The following GATA6 variants were observed in gnomAD, a reference collection of about 807,000 sequenced individuals.
The protein encoded by GATA6 is GATA binding protein 6.
In GATA6, 11 loss-of-function variants were observed where a neutral mutation model predicts 48.1. The ratio of observed to expected loss-of-function variants is 0.23; its 90% CI spans 0.14 to 0.38. The LOEUF (loss-of-function observed/expected upper bound fraction) is 0.38. GATA6 is among the 10% of genes least tolerant of loss of function. The pLI is 1.00. For missense variants in GATA6, 795 were observed against 850.3 expected, an observed-to-expected ratio of 0.93 and a Z score of 0.81; for synonymous variants, 419 against 396.1, an observed-to-expected ratio of 1.06 and a Z score of -0.69.
chr18:22,178,144 A>G (rs2143292948), intron 3 of GATA6, among the ~76,000 whole-genome samples: 1 of 151,026 alleles, frequency 6.6e-6, no homozygotes, highest in South Asian at 2.1e-4. Flanking sequence ...TTGTATTTTT[A>G]GTAGAGACAG....
intron 6 of GATA6, among the ~76,000 whole-genome samples, chr18:22,198,792 G>A (rs1456449559): frequency 1.3e-5 from 2 of 152,184 alleles, no homozygotes; most frequent in Admixed American, 1.3e-4. Context: ...CATTCAGTTT[G>A]TTGGACAGGA....
Position 22,170,326 on chromosome 18 carries a change from G to T in GATA6, c.-38+644G>T, listed in dbSNP as rs1184778739. On this transcript the variant is annotated intron_variant, in intron 1 of 6. Transcript: ENST00000269216. The surrounding 1 kb of genome is among the most constrained non-coding windows in gnomAD (Gnocchi z 6.7). ...TGGCCCGGCCGGCGTGAGCGCGCAC[G>T]CTGGTGGCTGCAGGCGCGGGCCGTG... Among the ~76,000 whole-genome samples the T allele has an allele frequency of 1.3e-5, 2 of 152,218 alleles. No individual in the cohort carries two copies. Among genetic ancestry groups the T allele is most frequent in the Non-Finnish European group, 2.9e-5 (2 of 68,038 alleles).
chr18:22,176,780 A>T, intron 2 of GATA6, 175 bp from the exon 3 acceptor site: 1 of 682,832 alleles, frequency 1.5e-6, no homozygotes, highest in Non-Finnish European at 2.4e-6. Flanking sequence ...CAGTGGAGCA[A>T]TAGTGACGAA....
chr18:22,200,676 T>C lies in GATA6; in HGVS notation c.1641T>C (p.Thr547=). The change falls in exon 7 of 7, where the codon ACT becomes ACC. Residue 547 remains threonine, a synonymous_variant. Transcript: ENST00000269216. ...GCCAGGCGGGTGCCCCGGTGATGAC[T>C]GGTGCGGGAGAGAGCACCAATCCCG... is the stretch of plus-strand genomic sequence containing the variant. ...TASGAGAPVM[T]GAGESTNPEN... 1 of 1,614,242 alleles carries C rather than the reference T, an allele frequency of 6.2e-7. No individual in the cohort carries two copies.
intron 6 of GATA6, among the ~76,000 whole-genome samples, chr18:22,197,414 G>C (rs533694821): frequency 6.6e-6 from 1 of 152,212 alleles, no homozygotes; most frequent in South Asian, 2.1e-4. Context: ...CCACTTTATA[G>C]GTGTGGAAAC....
chr18:22,186,356 G>A (rs917443576), intron 6 of GATA6, among the ~76,000 whole-genome samples: 11 of 152,162 alleles, frequency 7.2e-5, no homozygotes, highest in African/African-American at 2.7e-4. Context: ...TTTCTTTAAT[G>A]ACTGTGAGTT....
chr18:22,181,411 G>T, intron 3 of GATA6, 42 bp from the exon 4 acceptor site: 1 of 1,603,202 alleles, frequency 6.2e-7, no homozygotes, highest in Middle Eastern at 1.7e-4. Context: ...ATATATATAT[G>T]TCACTTATAT....
intron 6 of GATA6, among the ~76,000 whole-genome samples, chr18:22,183,771 T>C (rs1360689864): frequency 2.0e-5 from 3 of 152,196 alleles, no homozygotes; most frequent in Non-Finnish European, 4.4e-5. Flanking sequence ...CCCACCCTAA[T>C]GTTTCCCAAA....
intron 3 of GATA6, 67 bp downstream of exon 3, chr18:22,177,188 G>A (rs374001745): frequency 4.9e-6 from 7 of 1,431,624 alleles, no homozygotes; most frequent in African/African-American, 1.5e-5. Flanking sequence ...GGCCGGCCCC[G>A]CCCTGGCTCG....
intron 6 of GATA6, among the ~76,000 whole-genome samples, chr18:22,191,341 A>G (rs973939745): frequency 1.4e-4 from 21 of 152,068 alleles, no homozygotes; most frequent in Admixed American, 1.3e-3. Flanking sequence ...CAAATTACAG[A>G]TTCTTTGCAG....
At chr18:22,188,631 A>G (rs985096525) in intron 6 of GATA6, among the ~76,000 whole-genome samples, 3 of 152,150 alleles carry the variant, frequency 2.0e-5, no homozygotes, top group Non-Finnish European at 4.4e-5. Context: ...TTCGGTGACA[A>G]ATGTGTTTTC....
Position 22,197,461 on chromosome 18 carries a change from A to G in GATA6, c.1621-3195A>G, listed in dbSNP as rs529330458. On this transcript the variant is annotated intron_variant, in intron 6 of 6. Transcript: ENST00000269216. ...AAGCTGTATGTCAGGCTTCTGGTTT[A>G]CCTCTCCCACATGGTCTGTTCACTC... Among the ~76,000 whole-genome samples, 7 of 152,104 alleles carry G rather than the reference A, an allele frequency of 4.6e-5. No homozygotes were observed. The East Asian group carries it at 1.2e-3, about 25-fold the overall frequency.
chr18:22,171,638 C>G lies in GATA6; in HGVS notation c.494C>G (p.Ala165Gly). ...SSQGPAAYDG[A>G]PGGFVHSAAA... Reference sequence around the variant, plus strand: ...CAGGGTCCGGCCGCCTACGACGGCGCGCCCGGCGGCTTCGTGCACTCTGCG... The same window carrying G: ...CAGGGTCCGGCCGCCTACGACGGCGGGCCCGGCGGCTTCGTGCACTCTGCG... The change falls in exon 2 of 7, where the codon GCG becomes GGG. Residue 165 changes from alanine (A) to glycine (G), a missense_variant. Around this residue, in one of 5 missense-constraint regions of GATA6, gnomAD observed 591 missense variants for 570.0 expected, o/e 1.04. Coordinates refer to ENST00000269216, the MANE Select transcript of GATA6 (RefSeq NM_005257.6). The surrounding 1 kb of genome is among the most constrained non-coding windows in gnomAD (Gnocchi z 7.1). 6.3e-7 allele frequency: 1 copy of G among 1,591,126 alleles called. No individual in the cohort carries two copies. The highest frequency in any genetic ancestry group is 1.7e-5 in the Admixed American group (1 of 59,028).
At chr18:22,169,845 C>T (rs997829350) in intron 1 of GATA6, among the ~76,000 whole-genome samples, 163 bp downstream of exon 1, 4 of 152,226 alleles carry the variant, frequency 2.6e-5, no homozygotes, top group African/African-American at 7.2e-5. Context: ...CTCCCAGGCT[C>T]CCGGGACACC....
intron 6 of GATA6, among the ~76,000 whole-genome samples, chr18:22,198,271 A>G (rs188723883): frequency 7.4e-4 from 113 of 151,952 alleles, no homozygotes; most frequent in East Asian, 3.3e-3. Flanking sequence ...GGGTCTCCCA[A>G]TGTTGCCCAG....
chr18:22,192,253 G>C (rs1478961588), intron 6 of GATA6, among the ~76,000 whole-genome samples: 1 of 152,138 alleles, frequency 6.6e-6, no homozygotes, highest in African/African-American at 2.4e-5. Flanking sequence ...CCTACCATCT[G>C]GTCCTTAGGA....
intron 6 of GATA6, among the ~76,000 whole-genome samples, chr18:22,187,677 C>G (rs1049944596): frequency 6.6e-6 from 1 of 152,024 alleles, no homozygotes; most frequent in Non-Finnish European, 1.5e-5. Flanking sequence ...AATGGTCCTA[C>G]TCCTCCTATT....
chr18:22,200,439 A>G (rs1385760072), intron 6 of GATA6, among the ~76,000 whole-genome samples: 1 of 152,182 alleles, frequency 6.6e-6, no homozygotes, highest in Non-Finnish European at 1.5e-5. Flanking sequence ...GGCCAGGGTC[A>G]GGTCAGTGGC....
At chr18:22,196,772 G>C (rs185822466) in intron 6 of GATA6, among the ~76,000 whole-genome samples, 37 of 152,102 alleles carry the variant, frequency 2.4e-4, no homozygotes, top group Middle Eastern at 6.8e-3. Context: ...AAAAGAGAAA[G>C]AGTCATGAGA....
Sources: gnomAD v4.1 joint callset for allele counts (sites outside exome capture counted in the v4.1 genomes callset) on GRCh38, gnomAD v4.1.1 for gene constraint, gnomAD v4.1.1 regional missense constraint, Gnocchi (gnomAD v3.1) non-coding constraint, MANE v1.5 for transcripts, NCBI Gene and HGNC (gene_info 2026-07-23, HGNC 2026-07-21) for gene names.